The following TRPM8 variants were observed in gnomAD, a reference collection of about 807,000 sequenced individuals.
The protein encoded by TRPM8 is transient receptor potential cation channel subfamily M member 8.
A neutral mutation model predicts 133.7 loss-of-function variants in TRPM8; 110 were observed. That is an observed-to-expected ratio of 0.82 (90% confidence interval 0.70 to 0.96). The LOEUF (loss-of-function observed/expected upper bound fraction) is 0.96. TRPM8 is among the 40% of genes least tolerant of loss of function. TRPM8 has a pLI of 0.00. For missense variants in TRPM8, 1,291 were observed against 1,379.5 expected, an observed-to-expected ratio of 0.94 and a Z score of 1.02; for synonymous variants, 535 against 532.3, an observed-to-expected ratio of 1.01 and a Z score of -0.07.
intron 2 of TRPM8, 100 bp downstream of exon 2, chr2:233,926,754 C>T: frequency 2.3e-6 from 2 of 887,654 alleles, no homozygotes; most frequent in Non-Finnish European, 3.6e-6. Flanking sequence ...ATTTTAAATG[C>T]CATGTCTTTA....
chr2:233,971,959 T>G (rs1482368602), intron 17 of TRPM8, among the ~76,000 whole-genome samples: 3 of 152,160 alleles, frequency 2.0e-5, no homozygotes, highest in African/African-American at 7.2e-5. Flanking sequence ...GGGCGCTGAT[T>G]GGTGCGTTTA....
chr2:233,929,053 C>T (rs28901610), intron 2 of TRPM8, among the ~76,000 whole-genome samples: 2,675 of 147,518 alleles, frequency 0.018, 78 homozygotes, highest in East Asian at 0.15. Flanking sequence ...CACGGTGAGA[C>T]GTGTAACCAT....
At chr2:233,926,260 C>T (rs1691512546) in intron 1 of TRPM8, among the ~76,000 whole-genome samples, 1 of 152,124 alleles carries the variant, frequency 6.6e-6, no homozygotes, top group Non-Finnish European at 1.5e-5. Flanking sequence ...TGCACTTGGC[C>T]ACTGCAAAGA....
At chr2:233,919,994 G>A (rs1359577304) in intron 1 of TRPM8, among the ~76,000 whole-genome samples, 1 of 152,204 alleles carries the variant, frequency 6.6e-6, no homozygotes, top group Non-Finnish European at 1.5e-5. Context: ...CTGTGGGCCA[G>A]TGGTCCTCTG....
intron 9 of TRPM8, among the ~76,000 whole-genome samples, chr2:233,951,988 C>CACTG (rs1305173568): frequency 2.0e-5 from 3 of 152,190 alleles, no homozygotes; most frequent in Non-Finnish European, 4.4e-5. Flanking sequence ...ATACCTCTCC[C>CACTG]ACTGGGCTCA....
In TRPM8 at chr2:233,943,354, G is replaced by A. The variant is rs1262210479; in HGVS notation, c.699+606G>A. On this transcript the variant is annotated intron_variant, in intron 6 of 25. Coordinates refer to ENST00000324695, the MANE Select transcript of TRPM8 (RefSeq NM_024080.5). ...CAGTGATAGGCTGGATTAAGAAAAT[G>A]TGGCACATATACACCATGGAATACT... 2.0e-5 allele frequency among the ~76,000 whole-genome samples: 3 copies of A among 152,112 alleles called. No homozygotes were observed. In the East Asian group the frequency reaches 5.8e-4, roughly 29 times the overall value.
intron 6 of TRPM8, among the ~76,000 whole-genome samples, chr2:233,945,061 ACT>A (rs139265890): frequency 0.042 from 6,353 of 151,980 alleles, 422 homozygotes; most frequent in African/African-American, 0.15. Context: ...CACCAGCAAA[ACT>A]CTGAATTCTT....
At chr2:233,964,418 G>T (rs1185249184) in intron 13 of TRPM8, among the ~76,000 whole-genome samples, 3 of 151,768 alleles carry the variant, frequency 2.0e-5, no homozygotes, top group Non-Finnish European at 4.4e-5. Context: ...TGGGCATGGT[G>T]GTGGGTGCCT....
intron 24 of TRPM8, among the ~76,000 whole-genome samples, chr2:234,012,558 A>C (rs1410862077): frequency 6.6e-6 from 1 of 151,604 alleles, no homozygotes; most frequent in Non-Finnish European, 1.5e-5. Flanking sequence ...AATAGAGATA[A>C]TTTTACTTTC....
At position 234,015,769 on chromosome 2, in the gene TRPM8, C is replaced by A. The variant is rs149456298; in HGVS notation, c.*42+1115C>A. 2.7e-3 allele frequency among the ~76,000 whole-genome samples: 416 copies of A among 152,218 alleles called. 11 individuals are homozygous for A. The highest frequency in any genetic ancestry group is 0.024 in the Admixed American group (363 of 15,250). On this transcript the variant is annotated intron_variant, in intron 25 of 25. Transcript: ENST00000324695. ...CTTCTGACGTGCTCAAGAAAATAAG[C>A]CTTGCATATTAAGGGAGAACTTATT...
rs28901607 is a variant in TRPM8 at position 233,925,792 on chromosome 2, G to A, written c.-5-741G>A. Among the ~76,000 whole-genome samples the A allele has an allele frequency of 0.015, 2,330 of 152,182 alleles. 209 individuals carry two copies. The East Asian group carries it at 0.23, about 15-fold the overall frequency. Reference sequence around the variant, plus strand: ...CCCCAGAGGTTGAGTAGGCATTGACGGGTTTTGTCTCGAGCTTCGGATGTG... The same window carrying A: ...CCCCAGAGGTTGAGTAGGCATTGACAGGTTTTGTCTCGAGCTTCGGATGTG... On this transcript the variant is annotated intron_variant, in intron 1 of 25. Transcript: ENST00000324695.
intron 22 of TRPM8, among the ~76,000 whole-genome samples, chr2:233,999,235 G>T (rs1379877679): frequency 6.6e-6 from 1 of 152,064 alleles, no homozygotes; most frequent in African/African-American, 2.4e-5. Flanking sequence ...TGGACCCCAG[G>T]CTGGCTGGTC....
Position 233,970,446 on chromosome 2 carries a change from A to T in TRPM8, c.2355+20A>T, listed in dbSNP as rs1559534809. ...AGACAGGTAGGGCTGCCATGACAGC[A>T]GGAACCCCCTCGCTTCCTCGGTGGG... On this transcript the variant is annotated intron_variant, in intron 17 of 25. Transcript: ENST00000324695. The T allele has an allele frequency of 6.2e-7, 1 of 1,609,832 alleles. No homozygotes were observed. The highest frequency in any genetic ancestry group is 8.5e-7 in the Non-Finnish European group (1 of 1,176,664).
At chr2:233,991,843 C>T (rs1692285950) in intron 21 of TRPM8, among the ~76,000 whole-genome samples, 1 of 152,124 alleles carries the variant, frequency 6.6e-6, no homozygotes, top group Non-Finnish European at 1.5e-5. Context: ...TTTAATTGTA[C>T]AGAGGAGCCT....
At chr2:233,926,505 A>T in intron 1 of TRPM8, 28 bp from the exon 2 acceptor site, 1 of 1,572,834 alleles carries the variant, frequency 6.4e-7, no homozygotes, top group Non-Finnish European at 8.8e-7. Flanking sequence ...TTGTAACCCA[A>T]ACTTATCCCC....
intron 1 of TRPM8, among the ~76,000 whole-genome samples, chr2:233,923,007 A>G (rs992048368): frequency 7.2e-5 from 11 of 152,048 alleles, no homozygotes; most frequent in African/African-American, 2.7e-4. Flanking sequence ...AGCTGGGACT[A>G]CAGGCACCCG....
chr2:234,011,009 G>T (rs1304048063), intron 24 of TRPM8, among the ~76,000 whole-genome samples: 2 of 151,962 alleles, frequency 1.3e-5, no homozygotes, highest in Non-Finnish European at 2.9e-5. Context: ...TGCTTTTCTT[G>T]TCCTTGCTTT....
intron 21 of TRPM8, among the ~76,000 whole-genome samples, chr2:233,993,734 C>T (rs956767614): frequency 6.6e-6 from 1 of 152,192 alleles, no homozygotes; most frequent in Non-Finnish European, 1.5e-5. Flanking sequence ...ACTCTGAGCT[C>T]TCTGAGGAAG....
At chr2:233,985,559 GA>G in intron 20 of TRPM8, 128 bp from the exon 21 acceptor site, 1 of 819,030 alleles carries the variant, frequency 1.2e-6, no homozygotes, top group Non-Finnish European at 2.0e-6. Context: ...GACTTGTTTG[GA>G]CAAAGTGCCT....
Sources: gnomAD v4.1 joint callset for allele counts (sites outside exome capture counted in the v4.1 genomes callset) on GRCh38, gnomAD v4.1.1 for gene constraint, MANE v1.5 for transcripts, NCBI Gene and HGNC (gene_info 2026-07-23, HGNC 2026-07-21) for gene names.